The following KDM4D variants were observed in gnomAD, a reference collection of about 807,000 sequenced individuals.
The protein encoded by KDM4D is lysine-specific demethylase 4D.
For missense variants in KDM4D, 427 were observed against 674.8 expected, an observed-to-expected ratio of 0.63 and a Z score of 4.07; for synonymous variants, 254 against 249.1, an observed-to-expected ratio of 1.02 and a Z score of -0.19.
chr11:94,995,798 G>C (rs1455299377), intron 2 of KDM4D, among the ~76,000 whole-genome samples: 5 of 152,110 alleles, frequency 3.3e-5, no homozygotes, highest in Admixed American at 2.6e-4. Flanking sequence ...ATCCAGGATA[G>C]ATATAATGGT....
At chr11:94,994,105 C>G (rs1441546386) in intron 2 of KDM4D, among the ~76,000 whole-genome samples, 1 of 152,104 alleles carries the variant, frequency 6.6e-6, no homozygotes, top group African/African-American at 2.4e-5. Flanking sequence ...AAAGAGAACA[C>G]ACCCTGGGGT....
intron 2 of KDM4D, among the ~76,000 whole-genome samples, chr11:94,983,425 G>T (rs1319812797): frequency 4.0e-5 from 6 of 151,868 alleles, no homozygotes; most frequent in African/African-American, 7.3e-5. Context: ...GTACACAAAG[G>T]CACAAATCAT....
intron 2 of KDM4D, among the ~76,000 whole-genome samples, chr11:94,992,351 G>T (rs1414910090): frequency 1.3e-5 from 2 of 151,676 alleles, no homozygotes; most frequent in African/African-American, 4.8e-5. Flanking sequence ...GTTTATATAA[G>T]TAGGTAAGAA....
chr11:94,984,585 G>T (rs1196092599), intron 2 of KDM4D, among the ~76,000 whole-genome samples: 1 of 151,762 alleles, frequency 6.6e-6, no homozygotes, highest in African/African-American at 2.4e-5. Context: ...GCCAGGCATG[G>T]TGGCTCACAC....
intron 2 of KDM4D, among the ~76,000 whole-genome samples, chr11:94,976,740 T>C (rs1345518328): frequency 3.9e-5 from 6 of 152,290 alleles, no homozygotes; most frequent in African/African-American, 1.2e-4. Context: ...AACTTTCTAT[T>C]TTTATGGCAG....
At chr11:94,982,385 T>C (rs1857848658) in intron 2 of KDM4D, among the ~76,000 whole-genome samples, 1 of 152,008 alleles carries the variant, frequency 6.6e-6, no homozygotes, top group South Asian at 2.1e-4. Context: ...TTCTCAAAAG[T>C]GTCTCAGCTT....
At chr11:94,993,404 G>A (rs1218428986) in intron 2 of KDM4D, among the ~76,000 whole-genome samples, 1 of 152,036 alleles carries the variant, frequency 6.6e-6, no homozygotes, top group Admixed American at 6.6e-5. Flanking sequence ...GTTGAAAGAA[G>A]CAAGTAGTCT....
intron 2 of KDM4D, among the ~76,000 whole-genome samples, chr11:94,983,471 T>G (rs587662756): frequency 1.2e-4 from 19 of 152,214 alleles, no homozygotes; most frequent in Admixed American, 6.5e-4. Context: ...TACATTTAAT[T>G]TTTTCAAATA....
At chr11:94,994,728 T>G (rs1857962395) in intron 2 of KDM4D, among the ~76,000 whole-genome samples, 1 of 150,776 alleles carries the variant, frequency 6.6e-6, no homozygotes, top group Non-Finnish European at 1.5e-5. Context: ...TGGGAGGCAG[T>G]TTGATGATTT....
intron 2 of KDM4D, among the ~76,000 whole-genome samples, chr11:94,992,883 A>C (rs1169801677): frequency 6.6e-6 from 1 of 152,214 alleles, no homozygotes; most frequent in Non-Finnish European, 1.5e-5. Flanking sequence ...AAATTATTTT[A>C]AATAAGTAGT....
Position 94,998,055 on chromosome 11 carries a change from G to A in KDM4D, c.683G>A (p.Arg228Lys). The change falls in exon 3 of 3, where the codon AGG becomes AAG. Residue 228 changes from arginine (R) to lysine (K), a missense_variant. By Grantham distance (26) the Arg-to-Lys change is conservative. Transcript: ENST00000335080. The surrounding 1 kb of genome is among the most constrained non-coding windows in gnomAD (Gnocchi z 6.7). ...GGCCAGCGCCTGGAACGCCTGGCCA[G>A]GGAGCTCTTCCCAGGCAGTTCCCGG... ...EHGQRLERLA[R>K]ELFPGSSRGC... is the part of the protein sequence containing the mutation. 1 of 1,614,176 alleles carries A rather than the reference G, an allele frequency of 6.2e-7. No homozygotes were observed. The highest frequency in any genetic ancestry group is 8.5e-7 in the Non-Finnish European group (1 of 1,180,036).
intron 2 of KDM4D, among the ~76,000 whole-genome samples, chr11:94,994,113 G>A (rs1197928699): frequency 6.6e-6 from 1 of 152,094 alleles, no homozygotes; most frequent in African/African-American, 2.4e-5. Context: ...CACACCCTGG[G>A]GTGTCTAGAT....
rs149903913 is a variant in KDM4D at position 94,986,272 on chromosome 11, G to C, written c.-350+10524G>C. Among the ~76,000 whole-genome samples the C allele has an allele frequency of 6.9e-3, 1,046 of 152,224 alleles. 9 individuals are homozygous for C. The highest frequency in any genetic ancestry group is 0.011 in the Non-Finnish European group (722 of 68,014). On this transcript the variant is annotated intron_variant, in intron 2 of 2. Transcript: ENST00000335080. ...CTTATGAAAAGATGTGCAATATCAT[G>C]AGTCATTAAGGAAAGGCAAATGAAA...
intron 2 of KDM4D, among the ~76,000 whole-genome samples, chr11:94,985,099 A>G (rs1330858620): frequency 1.3e-5 from 2 of 152,230 alleles, no homozygotes; most frequent in Non-Finnish European, 1.5e-5. Context: ...TACTTTATGC[A>G]GCATTACACT....
rs782668369 is a variant in KDM4D, at chr11:94,998,843, C to T, written c.1471C>T (p.Leu491=). ...AGCTTCGGGCCCAGAACCTGAGCCC[C>T]TACCTGAGGATGGGGCTTTGATGGA... ...CTASGPEPEP[L]PEDGALMDKP... The change falls in exon 3 of 3, where the codon CTA becomes TTA. Residue 491 remains leucine (L), a synonymous_variant. Coordinates refer to ENST00000335080, the MANE Select transcript of KDM4D (RefSeq NM_018039.3). This position sits in a 1 kb window ranked among gnomAD's most constrained non-coding sequence, Gnocchi z 6.7. 2.5e-6 allele frequency: 4 copies of T among 1,573,408 alleles called. No homozygotes were observed. The Admixed American group carries it at 5.4e-5, about 21-fold the overall frequency.
Sources: allele counts gnomAD v4.1 joint callset (sites outside exome capture counted in the v4.1 genomes callset), GRCh38; gene constraint gnomAD v4.1.1; non-coding constraint Gnocchi (gnomAD v3.1); transcripts MANE v1.5; gene names NCBI Gene and HGNC (gene_info 2026-07-23, HGNC 2026-07-21).